The following HECTD4 variants were observed in gnomAD, a reference collection of about 807,000 sequenced individuals.
HECTD4 encodes probable E3 ubiquitin-protein ligase HECTD4.
In HECTD4, 114 loss-of-function variants were observed where a neutral mutation model predicts 471.5. The ratio of observed to expected loss-of-function variants is 0.24; its 90% CI spans 0.21 to 0.28. HECTD4 has a LOEUF of 0.28. Ranked by LOEUF, HECTD4 falls within the 10% of genes least tolerant of loss-of-function variation. The pLI, the probability that HECTD4 is intolerant of heterozygous loss-of-function variation, is 1.00. For missense variants in HECTD4, 3,866 were observed against 5,651.5 expected (o/e 0.68, Z 10.13); for synonymous variants, 2,012 against 2,256.0 (o/e 0.89, Z 3.07).
In HECTD4 at chr12:112,270,722, T is replaced by C. The variant is rs570207303; in HGVS notation, c.1943-263A>G. 1.5e-4 allele frequency among the ~76,000 whole-genome samples: 23 copies of C among 152,316 alleles called. No homozygotes were observed. In the South Asian group the frequency reaches 4.8e-3, roughly 32 times the overall value. ...TGAAGAATGGGCTGAATGCTTTACA[T>C]GGTTCTCAACTTAGACTATTTTAGC... On this transcript the variant is annotated intron_variant, in intron 11 of 75. Coordinates refer to ENST00000682272, the MANE Select transcript of HECTD4 (RefSeq NM_001388303.1).
In HECTD4 at chr12:112,216,350, A is replaced by G. The variant is rs1238670706; in HGVS notation, c.7407T>C (p.Tyr2469=). The G allele has an allele frequency of 1.3e-6, 2 of 1,555,042 alleles. No homozygotes were observed. The highest frequency in any genetic ancestry group is 2.4e-5 in the East Asian group (1 of 41,306). Residue 2469 remains tyrosine, a synonymous_variant, in exon 48 of 76, where the codon TAT becomes TAC. Coordinates refer to ENST00000682272, the MANE Select transcript of HECTD4 (RefSeq NM_001388303.1). The stretch of plus-strand genomic sequence containing the variant: ...TCCACTGTAACAAACTGGAGCCATT[A>G]TAGTGCACGGCTCGGCCGTTGCTAT... The part of the protein sequence containing the change: ...LFHNNGRAVH[Y]NGSSLLQWKS...
intron 38 of HECTD4, 22 bp from the exon 39 acceptor site, chr12:112,231,737 T>C: frequency 6.3e-7 from 1 of 1,592,572 alleles, no homozygotes; most frequent in Non-Finnish European, 8.6e-7. Flanking sequence ...TTGAAGACGC[T>C]GAGAAGATTC....
chr12:112,303,772 C>G (rs1215180103), intron 7 of HECTD4, among the ~76,000 whole-genome samples: 1 of 151,134 alleles, frequency 6.6e-6, no homozygotes, highest in Non-Finnish European at 1.5e-5. Flanking sequence ...ATCACCTGAG[C>G]CCAGGAGGTT....
At chr12:112,196,578 G>A (rs2032250891) in intron 55 of HECTD4, among the ~76,000 whole-genome samples, 1 of 152,080 alleles carries the variant, frequency 6.6e-6, no homozygotes, top group African/African-American at 2.4e-5. Context: ...AAGTTACCAG[G>A]GACGGAACTG....
chr12:112,323,627 G>A (rs578233086), intron 1 of HECTD4, among the ~76,000 whole-genome samples: 1 of 152,008 alleles, frequency 6.6e-6, no homozygotes, highest in South Asian at 2.1e-4. Context: ...ATGGAGAATA[G>A]ATCAATGGTT....
intron 20 of HECTD4, chr12:112,256,922 G>A (rs1412747841): frequency 2.0e-5 from 3 of 152,474 alleles, no homozygotes; most frequent in Admixed American, 2.0e-4. Flanking sequence ...ATCCCACAGG[G>A]TTAGCATCCT....
Position 112,228,971 on chromosome 12 carries a change from A to G in HECTD4, c.6520-160T>C, listed in dbSNP as rs2033309026. Among the ~76,000 whole-genome samples the G allele has an allele frequency of 6.6e-6, 1 of 152,198 alleles. No homozygotes were observed. The highest frequency in any genetic ancestry group is 2.4e-5 in the African/African-American group (1 of 41,462). ...AGATACCAAGCCCTAGACATGACTT[A>G]TAATAGGCCCTAAAACCTAACTGCA... On this transcript the variant is annotated intron_variant, in intron 41 of 75. Coordinates refer to ENST00000682272, the MANE Select transcript of HECTD4 (RefSeq NM_001388303.1). The surrounding 1 kb of genome is among the most constrained non-coding windows in gnomAD (Gnocchi z 4.9).
chr12:112,243,530 C>A lies in HECTD4; in HGVS notation c.4792-11G>T, dbSNP rs1229434121. The A allele has an allele frequency of 6.2e-7, 1 of 1,602,896 alleles. No individual in the cohort carries two copies. The highest frequency in any genetic ancestry group is 8.5e-7 in the Non-Finnish European group (1 of 1,174,630). On this transcript the variant is annotated splice_polypyrimidine_tract_variant and intron_variant, in intron 31 of 75. Transcript: ENST00000682272. The surrounding 1 kb of genome is among the most constrained non-coding windows in gnomAD (Gnocchi z 6.6). ...ACTGCTGCTGGACACCTGAAACACA[C>A]AAGGAGGGACACCTGACTCCTGCTA...
Position 112,250,272 on chromosome 12 carries a change from G to A in HECTD4, c.3822C>T (p.Pro1274=). ...CAACAGGAGGCACGAGGACATCAGA[G>A]GGGTAGGTGAATTCTCTGTCTTCCT... ...TIEEDREFTY[P]SDVLVPPVGN... is the part of the protein sequence containing the mutation. The change falls in exon 25 of 76, where the codon CCC becomes CCT. Residue 1274 remains proline, a synonymous_variant. Transcript: ENST00000682272. 6.2e-7 allele frequency: 1 copy of A among 1,613,988 alleles called. No homozygotes were observed. Among genetic ancestry groups the A allele is most frequent in the Non-Finnish European group, 8.5e-7 (1 of 1,179,858 alleles).
At chr12:112,356,143 T>A (rs1200344341) in intron 1 of HECTD4, among the ~76,000 whole-genome samples, 1 of 152,162 alleles carries the variant, frequency 6.6e-6, no homozygotes, top group Non-Finnish European at 1.5e-5. Context: ...ATGAAGCTAA[T>A]AGCCTTTGAA....
rs767353928 is a variant in HECTD4 at position 112,171,148 on chromosome 12, G to C, written c.11901C>G (p.His3967Gln). The change falls in exon 68 of 76, where the codon CAC (histidine) becomes CAG (glutamine). Residue 3967 changes from histidine (H) to glutamine (Q), a missense_variant. His to Gln is a conservative substitution (Grantham distance 24). Coordinates refer to ENST00000682272, the MANE Select transcript of HECTD4 (RefSeq NM_001388303.1). ...VELRQTPMYT[H>Q]SIAALLKEAK... ...CCTCCTTCAGCAGGGCGGCGATGCT[G>C]TGGGTATACATGGGTGTCTGGCGCA... 6.2e-7 allele frequency: 1 copy of C among 1,613,620 alleles called. No homozygotes were observed. The highest frequency in any genetic ancestry group is 1.1e-5 in the South Asian group (1 of 90,960).
At chr12:112,296,967 G>C (rs2035043355) in intron 7 of HECTD4, among the ~76,000 whole-genome samples, 1 of 150,916 alleles carries the variant, frequency 6.6e-6, no homozygotes. Context: ...AGGTGCAGAG[G>C]GTATAGGTGC....
Position 112,265,901 on chromosome 12 carries a change from G to C in HECTD4, c.2475C>G (p.Gly825=). 1.9e-6 allele frequency: 3 copies of C among 1,613,456 alleles called. No individual in the cohort carries two copies. The highest frequency in any genetic ancestry group is 2.5e-6 in the Non-Finnish European group (3 of 1,179,420). The part of the protein sequence containing the change: ...LAEQLQNNRF[G]SDEDDHYRLN... ...ACCTGTAATGATCATCCTCATCACT[G>C]CCAAATCGGTTGTTTTGGAGCTGTT... Residue 825 remains glycine (G), a synonymous_variant, in exon 15 of 76, where the codon GGC becomes GGG. Transcript: ENST00000682272.
chr12:112,203,103 CCAT>C (rs1192912895), intron 54 of HECTD4: 6 of 152,512 alleles, frequency 3.9e-5, no homozygotes, highest in African/African-American at 1.4e-4. Context: ...GATATGCCCA[CCAT>C]GACTAGCTAA....
intron 39 of HECTD4, 190 bp downstream of exon 39, chr12:112,231,323 C>G: frequency 1.7e-6 from 1 of 603,390 alleles, no homozygotes. Flanking sequence ...ATGACAACCT[C>G]AGATCTACCT....
At chr12:112,375,808 T>A (rs1227116976) in intron 1 of HECTD4, among the ~76,000 whole-genome samples, 2 of 151,808 alleles carry the variant, frequency 1.3e-5, no homozygotes, top group Non-Finnish European at 2.9e-5. Context: ...GTGGCTCACG[T>A]CTGTAATCCC....
chr12:112,302,978 C>CTTTTTTTTTTT (rs3031817), intron 7 of HECTD4, among the ~76,000 whole-genome samples: 1 of 120,720 alleles, frequency 8.3e-6, no homozygotes, highest in Non-Finnish European at 1.7e-5. Context: ...TTTGTCTGCT[C>CTTTTTTTTTTT]TTTTTTTTTT....
chr12:112,217,593 A>G (rs1223690789), intron 45 of HECTD4, among the ~76,000 whole-genome samples: 1 of 152,254 alleles, frequency 6.6e-6, no homozygotes, highest in African/African-American at 2.4e-5. Flanking sequence ...GGCTCAAGCT[A>G]TCTGTCTGTC....
chr12:112,281,806 C>T (rs1357707929), intron 8 of HECTD4, among the ~76,000 whole-genome samples: 2 of 152,138 alleles, frequency 1.3e-5, no homozygotes, highest in Non-Finnish European at 2.9e-5. Context: ...ACACTGAATT[C>T]ATTAAATGCA....
Sources: gnomAD v4.1 joint callset for allele counts (sites outside exome capture counted in the v4.1 genomes callset) on GRCh38, gnomAD v4.1.1 for gene constraint, Gnocchi (gnomAD v3.1) non-coding constraint, MANE v1.5 for transcripts, NCBI Gene and HGNC (gene_info 2026-07-23, HGNC 2026-07-21) for gene names.